RBM14: variants seen among roughly 807,000 people sequenced by gnomAD.
The protein encoded by RBM14 is RNA binding motif protein 14.
A neutral mutation model predicts 52.8 loss-of-function variants in RBM14; 5 were observed. The observed-to-expected ratio is 0.09, with a 90% CI of 0.05 to 0.20. The LOEUF (loss-of-function observed/expected upper bound fraction) is 0.20. Ranked by LOEUF, RBM14 falls within the 10% of genes least tolerant of loss-of-function variation. The probability of loss-of-function intolerance (pLI) is 1.00; values close to 1 mark genes in which losing one functional copy is unlikely to be tolerated. For missense variants in RBM14, 780 were observed against 926.6 expected, an observed-to-expected ratio of 0.84 and a Z score of 2.05; for synonymous variants, 411 against 401.8, an observed-to-expected ratio of 1.02 and a Z score of -0.28.
rs947556293 is a variant in RBM14 at position 66,628,492 on chromosome 11, C to T, written c.*1824C>T. Among the ~76,000 whole-genome samples the T allele has an allele frequency of 3.6e-5, 5 of 138,590 alleles. No homozygotes were observed. The highest frequency in any genetic ancestry group is 2.1e-4 in the East Asian group (1 of 4,700). The allele number at this position is 138,590 out of a possible 152,430, so 90.9% of individuals were successfully genotyped here. On this transcript the variant is annotated 3_prime_UTR_variant, in exon 3 of 3. Coordinates refer to ENST00000310137, the MANE Select transcript of RBM14 (RefSeq NM_006328.4). Reference sequence around the variant, plus strand: ...GTGCAAAAGCATTCGATCTTATGACCGTGAGTTCTTATTTGTGGATGCTAA... The same window carrying T: ...GTGCAAAAGCATTCGATCTTATGACTGTGAGTTCTTATTTGTGGATGCTAA...
chr11:66,617,956 G>A (rs1053835063), intron 1 of RBM14, among the ~76,000 whole-genome samples: 3 of 152,156 alleles, frequency 2.0e-5, no homozygotes, highest in African/African-American at 7.2e-5. Flanking sequence ...TTAAACAGTG[G>A]CTAAACACGG....
chr11:66,622,323 C>T (rs947491869), intron 1 of RBM14, among the ~76,000 whole-genome samples: 4 of 151,734 alleles, frequency 2.6e-5, no homozygotes, highest in South Asian at 4.2e-4. Flanking sequence ...CTTCCACCTC[C>T]CAGGTTCAAG....
Position 66,624,670 on chromosome 11 carries a change from C to A in RBM14, c.794C>A (p.Pro265His). 1 of 1,613,626 alleles carries A rather than the reference C, an allele frequency of 6.2e-7. No individual in the cohort carries two copies. The highest frequency in any genetic ancestry group is 8.5e-7 in the Non-Finnish European group (1 of 1,179,880). ...ASLGVGYRTQPMTAQAASYRA... is the reference protein window; with the variant it reads ...ASLGVGYRTQHMTAQAASYRA... ...TTGGGTGTTGGCTATCGGACTCAGC[C>A]CATGACAGCCCAGGCAGCCTCTTAC... Residue 265 changes from proline (P) to histidine (H), a missense_variant, in exon 2 of 3, where the codon CCC becomes CAC. Pro to His is a moderately conservative substitution (Grantham distance 77, BLOSUM62 -2). This residue lies in a region of RBM14 where 675 missense variants were observed against 697.3 expected (regional missense o/e 0.97). Coordinates refer to ENST00000310137, the MANE Select transcript of RBM14 (RefSeq NM_006328.4). The surrounding 1 kb of genome is among the most constrained non-coding windows in gnomAD (Gnocchi z 4.7).
chr11:66,623,978 C>A, intron 1 of RBM14: 1 of 757,328 alleles, frequency 1.3e-6, no homozygotes, highest in Non-Finnish European at 2.4e-6. Context: ...GGTGAGATGG[C>A]AGGGTTTGTA....
In RBM14 at chr11:66,624,400, T is replaced by C. The variant is rs1937688171; in HGVS notation, c.524T>C (p.Phe175Ser). The C allele has an allele frequency of 6.2e-7, 1 of 1,614,026 alleles. No homozygotes were observed. Among genetic ancestry groups the C allele is most frequent in the Non-Finnish European group, 8.5e-7 (1 of 1,180,000 alleles). Reference sequence around the variant, plus strand: ...AAACCAGGGGCTGGGGATACGGCCTTCCCTGGAACTGGTGGCTTCTCTGCC... The same window carrying C: ...AAACCAGGGGCTGGGGATACGGCCTCCCCTGGAACTGGTGGCTTCTCTGCC... ...TKKPGAGDTA[F>S]PGTGGFSATF... Residue 175 changes from phenylalanine (F) to serine (S), a missense_variant, in exon 2 of 3, where the codon TTC becomes TCC. Phe to Ser is a radical substitution (Grantham distance 155). This residue lies in a region of RBM14 where 675 missense variants were observed against 697.3 expected (regional missense o/e 0.97). Transcript: ENST00000310137. The surrounding 1 kb of genome is among the most constrained non-coding windows in gnomAD (Gnocchi z 4.7).
chr11:66,624,583 C>T lies in RBM14; in HGVS notation c.707C>T (p.Thr236Ile), dbSNP rs1937698610. ...GCTCCTCTGACGGCCCAGCCAGCTA[C>T]CTACCGGGCCCAGCCGTCCGTGTCA... is the stretch of plus-strand genomic sequence containing the variant. ...YVAPLTAQPA[T>I]YRAQPSVSLG... is the part of the protein sequence containing the mutation. Residue 236 changes from threonine (T) to isoleucine (I), a missense_variant, in exon 2 of 3, where the codon ACC becomes ATC. Thr to Ile is a moderately conservative substitution (Grantham distance 89). Around this residue, in one of 4 missense-constraint regions of RBM14, gnomAD observed 675 missense variants for 697.3 expected, o/e 0.97. Coordinates refer to ENST00000310137, the MANE Select transcript of RBM14 (RefSeq NM_006328.4). The surrounding 1 kb of genome is among the most constrained non-coding windows in gnomAD (Gnocchi z 4.7). 6.2e-7 allele frequency: 1 copy of T among 1,612,220 alleles called. No individual in the cohort carries two copies. Among genetic ancestry groups the T allele is most frequent in the Non-Finnish European group, 8.5e-7 (1 of 1,179,996 alleles).
chr11:66,624,475 G>T lies in RBM14; in HGVS notation c.599G>T (p.Gly200Val), dbSNP rs775967948. The T allele has an allele frequency of 1.2e-6, 2 of 1,613,474 alleles. No individual in the cohort carries two copies. Among genetic ancestry groups the T allele is most frequent in the South Asian group, 1.1e-5 (1 of 91,086 alleles). The change falls in exon 2 of 3, where the codon GGG becomes GTG. Residue 200 changes from glycine to valine, a missense_variant. Around this residue, in one of 4 missense-constraint regions of RBM14, gnomAD observed 675 missense variants for 697.3 expected, o/e 0.97. Transcript: ENST00000310137. The surrounding 1 kb of genome is among the most constrained non-coding windows in gnomAD (Gnocchi z 4.7). ...AFGNSTGGFD[G>V]QARQPTPPFF... Reference sequence around the variant, plus strand: ...GGCAACAGCACTGGTGGCTTTGATGGGCAAGCCCGTCAGCCCACACCACCC... The same window carrying T: ...GGCAACAGCACTGGTGGCTTTGATGTGCAAGCCCGTCAGCCCACACCACCC...
At position 66,616,918 on chromosome 11, in the gene RBM14, C is replaced by G. The variant is rs576602699; in HGVS notation, c.198C>G (p.Leu66=). ...ACGAGCTGCGGCCGGGGCGCGCGCTCGTGGTGGAGATGTCGCGCCCAAGGC... is the reference window on the plus strand; with the variant it reads ...ACGAGCTGCGGCCGGGGCGCGCGCTGGTGGTGGAGATGTCGCGCCCAAGGC... The part of the protein sequence containing the change: ...HGHELRPGRA[L]VVEMSRPRPL... The change falls in exon 1 of 3, where the codon CTC becomes CTG. Residue 66 remains leucine, a synonymous_variant. Coordinates refer to ENST00000310137, the MANE Select transcript of RBM14 (RefSeq NM_006328.4). The G allele has an allele frequency of 2.5e-6, 4 of 1,611,568 alleles. No individual in the cohort carries two copies. The highest frequency in any genetic ancestry group is 2.2e-5 in the East Asian group (1 of 44,762).
intron 1 of RBM14, chr11:66,617,376 C>T (rs1047792815): frequency 3.1e-5 from 37 of 1,176,876 alleles, no homozygotes; most frequent in Middle Eastern, 3.5e-4. Flanking sequence ...GGCCTGGCAC[C>T]CAGCGGAAAT....
At position 66,625,324 on chromosome 11, in the gene RBM14, C is replaced by T. The variant is rs772637122; in HGVS notation, c.1448C>T (p.Ser483Leu). Reference sequence around the variant, plus strand: ...GGGGCCCAAGCATCAATGGGCCTTTCAGGCTCCTATGGGGCTCAGTCGGCT... The same window carrying T: ...GGGGCCCAAGCATCAATGGGCCTTTTAGGCTCCTATGGGGCTCAGTCGGCT... ...SYGAQASMGL[S>L]GSYGAQSAAA... is the part of the protein sequence containing the mutation. The change falls in exon 2 of 3, where the codon TCA becomes TTA. Residue 483 changes from serine to leucine, a missense_variant. Physicochemically the swap from Ser to Leu is moderately radical, Grantham distance 145. Around this residue, in one of 4 missense-constraint regions of RBM14, gnomAD observed 675 missense variants for 697.3 expected, o/e 0.97. Coordinates refer to ENST00000310137, the MANE Select transcript of RBM14 (RefSeq NM_006328.4). This position sits in a 1 kb window ranked among gnomAD's most constrained non-coding sequence, Gnocchi z 4.2. 1 of 1,611,256 alleles carries T rather than the reference C, an allele frequency of 6.2e-7. No individual in the cohort carries two copies. The highest frequency in any genetic ancestry group is 1.7e-5 in the Admixed American group (1 of 59,668).
At position 66,624,621 on chromosome 11, in the gene RBM14, T is replaced by C. The variant is rs756941320; in HGVS notation, c.745T>C (p.Tyr249His). 1.2e-6 allele frequency: 2 copies of C among 1,612,722 alleles called. No homozygotes were observed. The highest frequency in any genetic ancestry group is 8.5e-7 in the Non-Finnish European group (1 of 1,179,960). Reference protein sequence around the residue: ...AQPSVSLGAAYRAQPSASLGV... With the variant: ...AQPSVSLGAAHRAQPSASLGV... ...GCCGTCCGTGTCACTGGGAGCTGCC[T>C]ACAGGGCCCAGCCTTCTGCCTCTTT... is the stretch of plus-strand genomic sequence containing the variant. The change falls in exon 2 of 3, where the codon TAC becomes CAC. Residue 249 changes from tyrosine (Y) to histidine (H), a missense_variant. By Grantham distance (83) the Tyr-to-His change is moderately conservative (BLOSUM62 2). Transcript: ENST00000310137. The surrounding 1 kb of genome is among the most constrained non-coding windows in gnomAD (Gnocchi z 4.7).
In RBM14 at chr11:66,624,936, T is replaced by A; in HGVS notation, c.1060T>A (p.Ser354Thr). 3 of 1,613,884 alleles carry A rather than the reference T, an allele frequency of 1.9e-6. No individual in the cohort carries two copies. Among genetic ancestry groups the A allele is most frequent in the Non-Finnish European group, 2.5e-6 (3 of 1,179,950 alleles). Residue 354 changes from serine (S) to threonine (T), a missense_variant, in exon 2 of 3, where the codon TCT (serine) becomes ACT (threonine). Ser to Thr is a moderately conservative substitution (Grantham distance 58). Transcript: ENST00000310137. The surrounding 1 kb of genome is among the most constrained non-coding windows in gnomAD (Gnocchi z 4.7). ...QPSSYGAQAA[S>T]SYGVRAAASS... The stretch of plus-strand genomic sequence containing the variant: ...ATCCTCTTACGGCGCCCAGGCTGCC[T>A]CTTCCTATGGGGTTCGTGCAGCTGC...
rs576285596 is a variant in RBM14, at chr11:66,629,469, A to G, written c.*2801A>G. 6.6e-6 allele frequency among the ~76,000 whole-genome samples: 1 copy of G among 152,284 alleles called. No individual in the cohort carries two copies. Among genetic ancestry groups the G allele is most frequent in the South Asian group, 2.1e-4 (1 of 4,822 alleles). On this transcript the variant is annotated 3_prime_UTR_variant, in exon 3 of 3. Transcript: ENST00000310137. ...GGACTATCACTGAGGGGTTCAGCCT[A>G]TCCAGGTAGGCTACCGTTCTAGTCA... is the stretch of plus-strand genomic sequence containing the variant.
In RBM14 at chr11:66,624,359, T is replaced by C; in HGVS notation, c.483T>C (p.Ser161=). 2 of 1,614,104 alleles carry C rather than the reference T, an allele frequency of 1.2e-6. No homozygotes were observed. The highest frequency in any genetic ancestry group is 1.7e-6 in the Non-Finnish European group (2 of 1,179,974). The part of the protein sequence containing the change: ...QKKGPGLAVQ[S]GDKTKKPGAG... ...AGGGGCCTGGCCTGGCTGTCCAGTCTGGGGACAAGACCAAGAAACCAGGGG... is the reference window on the plus strand; with the variant it reads ...AGGGGCCTGGCCTGGCTGTCCAGTCCGGGGACAAGACCAAGAAACCAGGGG... The change falls in exon 2 of 3, where the codon TCT becomes TCC. Residue 161 remains serine, a synonymous_variant. Coordinates refer to ENST00000310137, the MANE Select transcript of RBM14 (RefSeq NM_006328.4). The surrounding 1 kb of genome is among the most constrained non-coding windows in gnomAD (Gnocchi z 4.7).
In RBM14 at chr11:66,617,062, C is replaced by CGCGGAGGCGCGCTCGGGG. The variant is rs772436463; in HGVS notation, c.337+10_337+27dup. 1.9e-6 allele frequency: 3 copies of CGCGGAGGCGCGCTCGGGG among 1,566,486 alleles called. No individual in the cohort carries two copies. The highest frequency in any genetic ancestry group is 2.3e-5 in the East Asian group (1 of 44,270). ...TCGAGTGTGACGTGGTGAAAGGTAACGCGGAGGCGCGCTCGGGGGCGGGGG... is the reference window on the plus strand; with the variant it reads ...TCGAGTGTGACGTGGTGAAAGGTAACGCGGAGGCGCGCTCGGGGGCGGAGGCGCGCTCGGGGGCGGGGG... On this transcript the variant is annotated splice_donor_region_variant and intron_variant, in intron 1 of 2. Coordinates refer to ENST00000310137, the MANE Select transcript of RBM14 (RefSeq NM_006328.4).
At chr11:66,621,569 G>A (rs527550) in intron 1 of RBM14, among the ~76,000 whole-genome samples, 8,378 of 152,042 alleles carry the variant, frequency 0.055, 328 homozygotes, top group East Asian at 0.11. Flanking sequence ...TAAAGACGGC[G>A]TTTCACCTTG....
At position 66,628,144 on chromosome 11, in the gene RBM14, T is replaced by C. The variant is rs1325454100; in HGVS notation, c.*1476T>C. 6.6e-6 allele frequency among the ~76,000 whole-genome samples: 1 copy of C among 152,088 alleles called. No homozygotes were observed. Among genetic ancestry groups the C allele is most frequent in the Non-Finnish European group, 1.5e-5 (1 of 68,024 alleles). On this transcript the variant is annotated 3_prime_UTR_variant, in exon 3 of 3. Coordinates refer to ENST00000310137, the MANE Select transcript of RBM14 (RefSeq NM_006328.4). ...GGGGAATTGAGGACTCTTCTGTGCT[T>C]TTATTGTAGGGCTGGGGATCGAGGA...
At position 66,626,893 on chromosome 11, in the gene RBM14, G is replaced by A. The variant is rs544107394; in HGVS notation, c.*225G>A. The A allele has an allele frequency of 1.8e-4, 90 of 507,486 alleles. 2 individuals carry two copies. In the South Asian group the frequency reaches 2.7e-3, roughly 15 times the overall value. 31.4% of individuals were successfully genotyped at this position (507,486 alleles called of 1,614,324 possible). A position where few individuals can be genotyped will look rare whatever the true frequency, so the allele number is the denominator to read the frequency against. On this transcript the variant is annotated 3_prime_UTR_variant, in exon 3 of 3. Coordinates refer to ENST00000310137, the MANE Select transcript of RBM14 (RefSeq NM_006328.4). ...ATCTTGCTACTGGCTCTAGATCTGC[G>A]GTTTCCCCTCTACCCTGCCTCCCGT...
chr11:66,618,614 C>T (rs1858955238), intron 1 of RBM14: 1 of 715,736 alleles, frequency 1.4e-6, no homozygotes, highest in Non-Finnish European at 2.6e-6. Flanking sequence ...GGGAGGGTCT[C>T]AGATTGGGTA....
Sources: allele counts gnomAD v4.1 joint callset (sites outside exome capture counted in the v4.1 genomes callset), GRCh38; gene constraint gnomAD v4.1.1; regional missense constraint gnomAD v4.1.1; non-coding constraint Gnocchi (gnomAD v3.1); transcripts MANE v1.5; gene names NCBI Gene and HGNC (gene_info 2026-07-23, HGNC 2026-07-21).